The following CRELD1 variants were observed in gnomAD, a reference collection of about 807,000 sequenced individuals.
The protein encoded by CRELD1 is CRELD disulfide isomerase 1.
A neutral mutation model predicts 58.2 loss-of-function variants in CRELD1; 42 were observed. The observed-to-expected ratio is 0.72, with a 90% CI of 0.56 to 0.93. The LOEUF (loss-of-function observed/expected upper bound fraction) is 0.93. Among genes scored for constraint, CRELD1 ranks in the 40% least tolerant of loss-of-function variants. The pLI is 0.00. For missense variants in CRELD1, 500 were observed against 540.6 expected (o/e 0.92, Z 0.74); for synonymous variants, 222 against 202.0 (o/e 1.10, Z -0.84).
intron 4 of CRELD1, 73 bp from the exon 5 acceptor site, chr3:9,937,942 G>T: frequency 9.1e-7 from 1 of 1,095,240 alleles, no homozygotes. Flanking sequence ...CAGGCATGGG[G>T]GAATGGGAAC....
intron 3 of CRELD1, among the ~76,000 whole-genome samples, chr3:9,935,372 A>G (rs1484652024): frequency 6.6e-6 from 1 of 152,214 alleles, no homozygotes; most frequent in Non-Finnish European, 1.5e-5. Context: ...CTCGAGGGCT[A>G]CAGAAAAGAG....
In CRELD1 at chr3:9,944,374, G is replaced by A. The variant is rs936249639; in HGVS notation, c.1058G>A (p.Gly353Asp). 3.1e-6 allele frequency: 5 copies of A among 1,613,910 alleles called. No individual in the cohort carries two copies. The highest frequency in any genetic ancestry group is 4.2e-6 in the Non-Finnish European group (5 of 1,179,882). Residue 353 changes from glycine to aspartate, a missense_variant, in exon 11 of 11, where the codon GGC becomes GAC. Gly to Asp is a moderately conservative substitution (Grantham distance 94). Coordinates refer to ENST00000452070, the MANE Select transcript of CRELD1 (RefSeq NM_001077415.3). ...CVKEQIPESAGFFSEMTEDEL... is the reference protein window; with the variant it reads ...CVKEQIPESADFFSEMTEDEL... ...TCTTGCTCCTCTGCAGAGTCAGCAG[G>A]CTTCTTCTCAGAGATGACAGAAGAC...
At position 9,945,191 on chromosome 3, in the gene CRELD1, TAGG is replaced by T. The variant is rs1035670475; in HGVS notation, c.*616_*618del. 1.2e-5 allele frequency: 2 copies of T among 164,986 alleles called. No individual in the cohort carries two copies. The highest frequency in any genetic ancestry group is 4.8e-5 in the African/African-American group (2 of 41,616). 10.2% of individuals were successfully genotyped at this position (164,986 alleles called of 1,614,324 possible). A position where few individuals can be genotyped will look rare whatever the true frequency, so the allele number is the denominator to read the frequency against. ...AGAAGGAGGATAGAGGAATCAGCCT[TAGG>T]AGGGTTCCATGCCAGCTGTCATTTG... On this transcript the variant is annotated 3_prime_UTR_variant, in exon 11 of 11. Transcript: ENST00000452070.
intron 7 of CRELD1, among the ~76,000 whole-genome samples, chr3:9,941,608 G>A (rs2085368895): frequency 6.6e-6 from 1 of 151,948 alleles, no homozygotes; most frequent in African/African-American, 2.4e-5. Flanking sequence ...GGCTAACATG[G>A]TGAAACCCTG....
In CRELD1 at chr3:9,941,193, C is replaced by A. The variant is rs767916612; in HGVS notation, c.720C>A (p.His240Gln). 4.3e-6 allele frequency: 7 copies of A among 1,613,570 alleles called. No individual in the cohort carries two copies. The East Asian group carries it at 1.6e-4, about 36-fold the overall frequency. Residue 240 changes from histidine to glutamine, a missense_variant, in exon 7 of 11, where the codon CAC becomes CAA. By Grantham distance (24) the His-to-Gln change is conservative (BLOSUM62 0). Coordinates refer to ENST00000452070, the MANE Select transcript of CRELD1 (RefSeq NM_001077415.3). ...LQCKKGWALHHLKCVDIDECG... is the reference protein window; with the variant it reads ...LQCKKGWALHQLKCVDIDECG... ...GCAAGAAGGGCTGGGCCCTGCATCA[C>A]CTCAAGTGTGTAGGTAAGTGGGGCC...
At chr3:9,944,114 C>T (rs375629822) in intron 10 of CRELD1, 5 of 788,982 alleles carry the variant, frequency 6.3e-6, no homozygotes, top group Non-Finnish European at 1.2e-5. Flanking sequence ...TGCTCTGCCC[C>T]CAACTTGTCC....
At chr3:9,935,131 A>G (rs1461541866) in intron 3 of CRELD1, 4 of 545,924 alleles carry the variant, frequency 7.3e-6, no homozygotes, top group Non-Finnish European at 1.3e-5. Flanking sequence ...TAAGTGAATA[A>G]TATTATGTCA....
chr3:9,936,921 C>T (rs2085212114), intron 3 of CRELD1, among the ~76,000 whole-genome samples: 1 of 152,218 alleles, frequency 6.6e-6, no homozygotes, highest in South Asian at 2.1e-4. Flanking sequence ...ATAATATTCT[C>T]ATTTGGCTGT....
At chr3:9,935,097 T>G (rs1450017067) in intron 3 of CRELD1, 180 bp downstream of exon 3, 7 of 596,472 alleles carry the variant, frequency 1.2e-5, no homozygotes, top group African/African-American at 1.1e-4. Context: ...CACATTCTAG[T>G]AGAGAAGACA....
chr3:9,941,437 T>A (rs1375202933), intron 7 of CRELD1, among the ~76,000 whole-genome samples: 2 of 152,010 alleles, frequency 1.3e-5, no homozygotes, highest in Non-Finnish European at 2.9e-5. Flanking sequence ...TCAGTGGAAG[T>A]GGTGATGGGG....
Position 9,944,366 on chromosome 3 carries a change from G to A in CRELD1, c.1050G>A (p.Glu350=), listed in dbSNP as rs1228250521. The A allele has an allele frequency of 6.2e-7, 1 of 1,613,854 alleles. No homozygotes were observed. Residue 350 remains glutamate, a splice_region_variant and synonymous_variant, in exon 11 of 11, where the codon GAG becomes GAA. Coordinates refer to ENST00000452070, the MANE Select transcript of CRELD1 (RefSeq NM_001077415.3). ...EGICVKEQIP[E]SAGFFSEMTE... ...GCTGCATCTCTTGCTCCTCTGCAGAGTCAGCAGGCTTCTTCTCAGAGATGA... is the reference window on the plus strand; with the variant it reads ...GCTGCATCTCTTGCTCCTCTGCAGAATCAGCAGGCTTCTTCTCAGAGATGA...
chr3:9,944,740 C>G lies in CRELD1; in HGVS notation c.*161C>G. Reference sequence around the variant, plus strand: ...GCCCAGGTACCCAGGCCCGGGCAGACAAGGCCCCTGGGGTAAAAAGTAGCC... The same window carrying G: ...GCCCAGGTACCCAGGCCCGGGCAGAGAAGGCCCCTGGGGTAAAAAGTAGCC... On this transcript the variant is annotated 3_prime_UTR_variant, in exon 11 of 11. Coordinates refer to ENST00000452070, the MANE Select transcript of CRELD1 (RefSeq NM_001077415.3). 1.4e-6 allele frequency: 1 copy of G among 702,108 alleles called. No homozygotes were observed. The highest frequency in any genetic ancestry group is 2.5e-6 in the Non-Finnish European group (1 of 401,950). The allele number at this position is 702,108 out of a possible 1,614,324, so 43.5% of individuals were successfully genotyped here. A position where few individuals can be genotyped will look rare whatever the true frequency, so the allele number is the denominator to read the frequency against.
In CRELD1 at chr3:9,941,171, A is replaced by G; in HGVS notation, c.698A>G (p.Lys233Arg). The G allele has an allele frequency of 1.2e-6, 2 of 1,614,182 alleles. No homozygotes were observed. Among genetic ancestry groups the G allele is most frequent in the Non-Finnish European group, 8.5e-7 (1 of 1,180,026 alleles). Reference sequence around the variant, plus strand: ...GAGGAATCAAACTGTTTGCAATGCAAGAAGGGCTGGGCCCTGCATCACCTC... The same window carrying G: ...GAGGAATCAAACTGTTTGCAATGCAGGAAGGGCTGGGCCCTGCATCACCTC... ...GPEESNCLQC[K>R]KGWALHHLKC... The change falls in exon 7 of 11, where the codon AAG (lysine) becomes AGG (arginine). Residue 233 changes from lysine to arginine, a missense_variant. Physicochemically the swap from Lys to Arg is conservative, Grantham distance 26. Coordinates refer to ENST00000452070, the MANE Select transcript of CRELD1 (RefSeq NM_001077415.3).
chr3:9,938,107 G>A lies in CRELD1; in HGVS notation c.460+1G>A, dbSNP rs780167927. 6 of 1,612,196 alleles carry A rather than the reference G, an allele frequency of 3.7e-6. No individual in the cohort carries two copies. The highest frequency in any genetic ancestry group is 1.1e-5 in the South Asian group (1 of 91,022). The stretch of plus-strand genomic sequence containing the variant: ...GGCACCTTCGGGCCCTCCTGCCTTC[G>A]TGAGTTTTTAAGTTGCTCTTGGGGA... On this transcript the variant is annotated splice_donor_variant, in intron 5 of 10. Transcript: ENST00000452070. LOFTEE classifies it high-confidence loss of function.
At chr3:9,940,196 G>A (rs1490896939) in intron 5 of CRELD1, among the ~76,000 whole-genome samples, 1 of 151,544 alleles carries the variant, frequency 6.6e-6, no homozygotes, top group Non-Finnish European at 1.5e-5. Context: ...GGGCAGCCTG[G>A]CAGAGAGGCT....
chr3:9,944,108 C>G (rs769640301), intron 10 of CRELD1: 1 of 789,294 alleles, frequency 1.3e-6, no homozygotes, highest in South Asian at 1.3e-5. Flanking sequence ...AATAAATGCT[C>G]TGCCCCCAAC....
intron 10 of CRELD1, chr3:9,943,862 ACCATTTCC>A: frequency 6.2e-7 from 1 of 1,613,910 alleles, no homozygotes; most frequent in Non-Finnish European, 8.5e-7. Flanking sequence ...GATGGCAGGG[ACCATTTCC>A]CCAGCAATTA....
In CRELD1 at chr3:9,933,846, C is replaced by T. The variant is rs2085067084; in HGVS notation, c.-94C>T. The T allele has an allele frequency of 3.9e-6, 2 of 516,016 alleles. No homozygotes were observed. The highest frequency in any genetic ancestry group is 3.4e-6 in the Non-Finnish European group (1 of 292,928). The allele number at this position is 516,016 out of a possible 1,614,324, so 32.0% of individuals were successfully genotyped here. A position where few individuals can be genotyped will look rare whatever the true frequency, so the allele number is the denominator to read the frequency against. On this transcript the variant is annotated 5_prime_UTR_variant, in exon 1 of 11. Transcript: ENST00000452070. ...GTGCGTTTTACGCAGGCTGTGGCAG[C>T]GACGCGGTGAGGAGACGGCCCACGG...
chr3:9,941,160 T>C lies in CRELD1; in HGVS notation c.687T>C (p.Cys229=), dbSNP rs1271725880. The C allele has an allele frequency of 6.2e-7, 1 of 1,614,030 alleles. No homozygotes were observed. Among genetic ancestry groups the C allele is most frequent in the African/African-American group, 1.3e-5 (1 of 74,912 alleles). Residue 229 remains cysteine, a synonymous_variant, in exon 7 of 11, where the codon TGT becomes TGC. Transcript: ENST00000452070. ...GCTCAGGACCTGAGGAATCAAACTGTTTGCAATGCAAGAAGGGCTGGGCCC... is the reference window on the plus strand; with the variant it reads ...GCTCAGGACCTGAGGAATCAAACTGCTTGCAATGCAAGAAGGGCTGGGCCC... ...ARCSGPEESN[C]LQCKKGWALH... is the part of the protein sequence containing the mutation.
Sources: allele counts gnomAD v4.1 joint callset (sites outside exome capture counted in the v4.1 genomes callset), GRCh38; gene constraint gnomAD v4.1.1; transcripts MANE v1.5; gene names NCBI Gene and HGNC (gene_info 2026-07-23, HGNC 2026-07-21).